MAML2: variants seen among roughly 807,000 people sequenced by gnomAD.
MAML2 encodes mastermind like transcriptional coactivator 2.
A neutral mutation model predicts 96.1 loss-of-function variants in MAML2; 22 were observed. The observed-to-expected ratio is 0.23, with a 90% confidence interval of 0.16 to 0.33. The LOEUF (loss-of-function observed/expected upper bound fraction) is 0.33, where lower values mean the gene tolerates loss of function less well. Among genes scored for constraint, MAML2 ranks in the 10% least tolerant of loss-of-function variants. The pLI is 1.00. For synonymous variants in MAML2, 561 were observed against 521.3 expected (o/e 1.08, Z -1.04); for missense variants, 1,367 against 1,392.4 (o/e 0.98, Z 0.29).
At chr11:96,058,469 G>A (rs955479768) in intron 2 of MAML2, among the ~76,000 whole-genome samples, 25 of 152,018 alleles carry the variant, frequency 1.6e-4, no homozygotes, top group Non-Finnish European at 2.8e-4. Context: ...ACGGGCATGC[G>A]CCACCATGCC....
At chr11:96,036,210 C>A (rs564233552) in intron 2 of MAML2, among the ~76,000 whole-genome samples, 1 of 152,158 alleles carries the variant, frequency 6.6e-6, no homozygotes, top group South Asian at 2.1e-4. Flanking sequence ...GGCTTAACCC[C>A]ACCGGAATGA....
At chr11:96,322,963 C>G (rs1316956055) in intron 1 of MAML2, among the ~76,000 whole-genome samples, 1 of 152,178 alleles carries the variant, frequency 6.6e-6, no homozygotes, top group Non-Finnish European at 1.5e-5. Context: ...CTTGGAACCC[C>G]TGGAGAATCT....
chr11:96,185,463 G>C lies in MAML2; in HGVS notation c.514-91946C>G, dbSNP rs1591061706. On this transcript the variant is annotated intron_variant, in intron 1 of 4. Coordinates refer to ENST00000524717, the MANE Select transcript of MAML2 (RefSeq NM_032427.4). Reference sequence around the variant, plus strand: ...GCTCGACCATGTTCATGGAGGCTGAGCGCTGGGTCTTCCACAGAAAACAAC... The same window carrying C: ...GCTCGACCATGTTCATGGAGGCTGACCGCTGGGTCTTCCACAGAAAACAAC... Among the ~76,000 whole-genome samples the C allele has an allele frequency of 4.6e-5, 7 of 152,290 alleles. No individual in the cohort carries two copies. The South Asian group carries it at 1.4e-3, about 32-fold the overall frequency.
chr11:95,991,492 T>A (rs771381247), intron 3 of MAML2, 28 bp downstream of exon 3: 1 of 1,606,908 alleles, frequency 6.2e-7, no homozygotes, highest in Non-Finnish European at 8.5e-7. Context: ...AACAGGTTTG[T>A]TCAGTAGAAA....
At chr11:96,218,712 AT>A (rs1862086422) in intron 1 of MAML2, among the ~76,000 whole-genome samples, 1 of 152,136 alleles carries the variant, frequency 6.6e-6, no homozygotes, top group Non-Finnish European at 1.5e-5. Context: ...AAATCTCAAA[AT>A]TTTCCCTCCA....
chr11:96,013,266 A>G (rs11021388), intron 2 of MAML2, among the ~76,000 whole-genome samples: 25,081 of 152,248 alleles, frequency 0.16, 2,573 homozygotes, highest in East Asian at 0.37. Context: ...AACCCTAAGC[A>G]TTCTTTGTAT....
At chr11:96,202,816 C>T (rs1031552419) in intron 1 of MAML2, among the ~76,000 whole-genome samples, 2 of 151,914 alleles carry the variant, frequency 1.3e-5, no homozygotes, top group Admixed American at 6.6e-5. Context: ...TTGGTAGAGA[C>T]AGGGTTTCAC....
Position 96,319,015 on chromosome 11 carries a change from C to T in MAML2, c.513+22368G>A, listed in dbSNP as rs950239541. Among the ~76,000 whole-genome samples, 15 of 152,130 alleles carry T rather than the reference C, an allele frequency of 9.9e-5. 1 individual carries two copies. The highest frequency in any genetic ancestry group is 2.1e-4 in the South Asian group (1 of 4,832). On this transcript the variant is annotated intron_variant, in intron 1 of 4. Transcript: ENST00000524717. ...TTTGGCCTATGTGACCAGTAGAATACGGCAGAAGAGAAAATGTGTGACTTT... is the reference window on the plus strand; with the variant it reads ...TTTGGCCTATGTGACCAGTAGAATATGGCAGAAGAGAAAATGTGTGACTTT...
chr11:96,015,072 C>T (rs1005409139), intron 2 of MAML2, among the ~76,000 whole-genome samples: 1 of 152,176 alleles, frequency 6.6e-6, no homozygotes, highest in African/African-American at 2.4e-5. Flanking sequence ...AAGCTAAATA[C>T]TTCATCTAGT....
At chr11:96,245,204 C>T (rs1862493862) in intron 1 of MAML2, among the ~76,000 whole-genome samples, 1 of 145,944 alleles carries the variant, frequency 6.9e-6, no homozygotes, top group South Asian at 2.2e-4. Context: ...GCCTTCCGAA[C>T]AGTCATCCTT....
chr11:96,063,885 G>A (rs7949201), intron 2 of MAML2, among the ~76,000 whole-genome samples: 94,429 of 152,052 alleles, frequency 0.62, 29,931 homozygotes, highest in Non-Finnish European at 0.68. Context: ...CTGTTGATAC[G>A]ATGTCTGCAG....
At chr11:96,280,432 T>G (rs1454598768) in intron 1 of MAML2, among the ~76,000 whole-genome samples, 2 of 150,292 alleles carry the variant, frequency 1.3e-5, no homozygotes, top group African/African-American at 5.0e-5. Context: ...TTCTTTCTCC[T>G]GATCTGTACA....
intron 1 of MAML2, among the ~76,000 whole-genome samples, chr11:96,306,622 T>A (rs1863466011): frequency 6.6e-6 from 1 of 152,230 alleles, no homozygotes; most frequent in African/African-American, 2.4e-5. Context: ...AGGCTGACTT[T>A]CCCAGGTAAG....
At chr11:96,150,149 A>G (rs1860896735) in intron 1 of MAML2, among the ~76,000 whole-genome samples, 1 of 152,282 alleles carries the variant, frequency 6.6e-6, no homozygotes, top group Non-Finnish European at 1.5e-5. Context: ...TACAAAAGTT[A>G]TTGCCATCAC....
At chr11:96,191,770 C>CAAAAAAAA (rs11396681) in intron 1 of MAML2, among the ~76,000 whole-genome samples, 1 of 116,628 alleles carries the variant, frequency 8.6e-6, no homozygotes, top group African/African-American at 3.1e-5. Context: ...AACTCTGTCT[C>CAAAAAAAA]AAAAAAAAAA....
intron 1 of MAML2, among the ~76,000 whole-genome samples, chr11:96,239,549 T>A (rs1862405053): frequency 7.3e-6 from 1 of 137,470 alleles, no homozygotes; most frequent in Non-Finnish European, 1.5e-5. Flanking sequence ...GTTTCTAAAT[T>A]ACTGTGAATT....
At chr11:96,284,514 G>A (rs1863112663) in intron 1 of MAML2, among the ~76,000 whole-genome samples, 1 of 152,140 alleles carries the variant, frequency 6.6e-6, no homozygotes, top group Non-Finnish European at 1.5e-5. Context: ...CCACAGGTGA[G>A]ATTTGGAAAC....
intron 1 of MAML2, among the ~76,000 whole-genome samples, chr11:96,235,757 T>G (rs1862358392): frequency 6.6e-6 from 1 of 152,218 alleles, no homozygotes; most frequent in Non-Finnish European, 1.5e-5. Context: ...ATGTACACTT[T>G]CTTTTTCAAT....
intron 2 of MAML2, among the ~76,000 whole-genome samples, chr11:96,051,121 T>TATA: frequency 6.6e-6 from 1 of 152,192 alleles, no homozygotes; most frequent in Non-Finnish European, 1.5e-5. Flanking sequence ...GGAGGTCTTC[T>TATA]GTAGTGCCTT....
Sources: allele counts gnomAD v4.1 joint callset (sites outside exome capture counted in the v4.1 genomes callset), GRCh38; gene constraint gnomAD v4.1.1; transcripts MANE v1.5; gene names NCBI Gene and HGNC (gene_info 2026-07-23, HGNC 2026-07-21).